The following NELL2 variants were observed in gnomAD, a reference collection of about 807,000 sequenced individuals.
NELL2 encodes the protein neural EGFL like 2.
NELL2 carries 41 observed loss-of-function variants against 109.6 expected under a neutral mutation model. The observed-to-expected ratio is 0.37, with a 90% confidence interval of 0.29 to 0.49. NELL2 has a LOEUF of 0.49. Among genes scored for constraint, NELL2 ranks in the 20% least tolerant of loss-of-function variants. The pLI, the probability that NELL2 is intolerant of heterozygous loss-of-function variation, is 0.98. For missense variants in NELL2, 900 were observed against 1,008.3 expected (o/e 0.89, Z 1.45); for synonymous variants, 355 against 344.7 (o/e 1.03, Z -0.33).
chr12:44,623,178 T>A lies in NELL2; in HGVS notation c.1445-12208A>T, dbSNP rs572741833. Among the ~76,000 whole-genome samples, 3 of 152,250 alleles carry A rather than the reference T, an allele frequency of 2.0e-5. No homozygotes were observed. In the East Asian group the frequency reaches 5.8e-4, roughly 29 times the overall value. On this transcript the variant is annotated intron_variant, in intron 13 of 19. Coordinates refer to ENST00000429094, the MANE Select transcript of NELL2 (RefSeq NM_001145108.2). ...CTCATTCTCAAGATATCTATGGATA[T>A]TATTCCCTCATAAAATAATAGATAC...
intron 15 of NELL2, among the ~76,000 whole-genome samples, chr12:44,579,767 C>T (rs1293194744): frequency 6.6e-6 from 1 of 152,076 alleles, no homozygotes; most frequent in Non-Finnish European, 1.5e-5. Context: ...GAATATGAGA[C>T]TTTAATTCCT....
At chr12:44,860,293 CAAAA>C (rs948337191) in intron 2 of NELL2, among the ~76,000 whole-genome samples, 5 of 152,120 alleles carry the variant, frequency 3.3e-5, no homozygotes, top group Admixed American at 6.6e-5. Flanking sequence ...AATGAGAACT[CAAAA>C]GAAAGTTTAA....
intron 13 of NELL2, among the ~76,000 whole-genome samples, chr12:44,630,753 G>A (rs1402498502): frequency 6.6e-6 from 1 of 152,084 alleles, no homozygotes; most frequent in Non-Finnish European, 1.5e-5. Context: ...ACAATAACTG[G>A]TGGAAGTGTG....
chr12:44,689,125 T>A (rs1948821768), intron 12 of NELL2, among the ~76,000 whole-genome samples: 2 of 152,186 alleles, frequency 1.3e-5, no homozygotes, highest in African/African-American at 4.8e-5. Context: ...GGTGTTCCTA[T>A]GAGTTCAGGA....
chr12:44,826,982 T>C (rs1943730443), intron 2 of NELL2, among the ~76,000 whole-genome samples: 1 of 152,228 alleles, frequency 6.6e-6, no homozygotes, highest in Non-Finnish European at 1.5e-5. Context: ...ATTATTTATA[T>C]CATACAATCT....
At chr12:44,648,731 AT>A (rs71459072) in intron 13 of NELL2, among the ~76,000 whole-genome samples, 5,503 of 89,336 alleles carry the variant, frequency 0.062, 90 homozygotes, top group Non-Finnish European at 0.073. Flanking sequence ...ATATATATAT[AT>A]TTTTTTTTTT....
At chr12:44,865,659 G>C (rs1706673918) in intron 2 of NELL2, among the ~76,000 whole-genome samples, 1 of 90,374 alleles carries the variant, frequency 1.1e-5, no homozygotes, top group Non-Finnish European at 2.2e-5. Flanking sequence ...TCTGGGGACT[G>C]TGGTGGGGTC....
intron 9 of NELL2, among the ~76,000 whole-genome samples, chr12:44,722,093 A>G (rs2136455817): frequency 6.6e-6 from 1 of 152,296 alleles, no homozygotes; most frequent in East Asian, 1.9e-4. Flanking sequence ...AAGGAAAAGG[A>G]GTAAGCAATA....
chr12:44,673,935 TA>T (rs202029207), intron 12 of NELL2, among the ~76,000 whole-genome samples: 66 of 147,348 alleles, frequency 4.5e-4, no homozygotes, highest in Admixed American at 1.2e-3. Flanking sequence ...TGAGACACTT[TA>T]AAAAAAAAAA....
At chr12:44,655,515 T>C (rs927862113) in intron 13 of NELL2, among the ~76,000 whole-genome samples, 15 of 152,234 alleles carry the variant, frequency 9.9e-5, no homozygotes, top group Non-Finnish European at 1.9e-4. Context: ...ATTGTATGCA[T>C]GCACATATGT....
At chr12:44,559,905 T>C (rs150244179) in intron 15 of NELL2, among the ~76,000 whole-genome samples, 4,662 of 152,188 alleles carry the variant, frequency 0.031, 99 homozygotes, top group South Asian at 0.067. Context: ...ACACTTATTC[T>C]AAAATTGACC....
At chr12:44,579,483 C>T (rs371205782) in intron 15 of NELL2, among the ~76,000 whole-genome samples, 2 of 152,150 alleles carry the variant, frequency 1.3e-5, no homozygotes, top group East Asian at 3.8e-4. Context: ...TAAGAACCTT[C>T]GAGACAGTGG....
At position 44,864,898 on chromosome 12, in the gene NELL2, C is replaced by T. The variant is rs562700563; in HGVS notation, c.184+10327G>A. On this transcript the variant is annotated intron_variant, in intron 2 of 19. Coordinates refer to ENST00000429094, the MANE Select transcript of NELL2 (RefSeq NM_001145108.2). Reference sequence around the variant, plus strand: ...GGGTATATACCCAGTAATGGGATGGCTGGGTCAAATGGTATTTCTAGTTCT... The same window carrying T: ...GGGTATATACCCAGTAATGGGATGGTTGGGTCAAATGGTATTTCTAGTTCT... Among the ~76,000 whole-genome samples, 458 of 151,252 alleles carry T rather than the reference C, an allele frequency of 3.0e-3. 3 individuals are homozygous for T. Among genetic ancestry groups the T allele is most frequent in the African/African-American group, 0.01 (431 of 41,100 alleles).
chr12:44,717,576 A>G (rs1938554853), intron 9 of NELL2, among the ~76,000 whole-genome samples: 2 of 152,160 alleles, frequency 1.3e-5, no homozygotes, highest in South Asian at 4.1e-4. Context: ...TAAGATTAAG[A>G]AAATAAACAA....
At chr12:44,833,462 C>G (rs1943948391) in intron 2 of NELL2, among the ~76,000 whole-genome samples, 1 of 152,132 alleles carries the variant, frequency 6.6e-6, no homozygotes, top group African/African-American at 2.4e-5. Context: ...GCTTTATATG[C>G]CAGTCTTACA....
chr12:44,695,131 G>A (rs940723400), intron 12 of NELL2, among the ~76,000 whole-genome samples: 2 of 146,348 alleles, frequency 1.4e-5, no homozygotes, highest in Admixed American at 6.9e-5. Context: ...AGAGAGGAAG[G>A]AAGAAAAGAA....
intron 12 of NELL2, among the ~76,000 whole-genome samples, chr12:44,681,764 T>A (rs1264875956): frequency 1.3e-5 from 2 of 152,186 alleles, no homozygotes; most frequent in Admixed American, 1.3e-4. Flanking sequence ...TTTTTATGGC[T>A]GCATGGTATT....
chr12:44,523,965 G>C (rs1025688642), intron 16 of NELL2, among the ~76,000 whole-genome samples: 1 of 152,024 alleles, frequency 6.6e-6, no homozygotes, highest in South Asian at 2.1e-4. Flanking sequence ...CCTTATTCTC[G>C]CGGCTGCACC....
intron 9 of NELL2, among the ~76,000 whole-genome samples, chr12:44,765,680 G>C (rs1551081): frequency 6.6e-6 from 1 of 151,994 alleles, no homozygotes. Context: ...AAGAAGCTCC[G>C]TTCTTACCAC....
Sources: allele counts gnomAD v4.1 joint callset (sites outside exome capture counted in the v4.1 genomes callset), GRCh38; gene constraint gnomAD v4.1.1; transcripts MANE v1.5; gene names NCBI Gene and HGNC (gene_info 2026-07-23, HGNC 2026-07-21).